Variants in CSMD1 observed in about 807,000 individuals in gnomAD.
The protein encoded by CSMD1 is CUB and sushi domain-containing protein 1.
CSMD1 carries 213 observed loss-of-function variants against 417.5 expected under a neutral mutation model. That is an observed-to-expected ratio of 0.51 (90% confidence interval 0.46 to 0.57). The LOEUF (loss-of-function observed/expected upper bound fraction) is 0.57, where lower values mean the gene tolerates loss of function less well. Ranked by LOEUF, CSMD1 falls within the 20% of genes least tolerant of loss-of-function variation. The pLI is 0.00. For synonymous variants in CSMD1, 2,862 were observed against 1,736.8 expected (o/e 1.65, Z -16.11); for missense variants, 6,923 against 4,529.7 (o/e 1.53, Z -15.17).
chr8:3,679,691 G>C (rs1180832922), intron 7 of CSMD1, among the ~76,000 whole-genome samples: 1 of 152,140 alleles, frequency 6.6e-6, no homozygotes, highest in African/African-American at 2.4e-5. Flanking sequence ...AGACCTAATA[G>C]ACATCTACCT....
At chr8:3,383,414 C>A (rs939782700) in intron 18 of CSMD1, among the ~76,000 whole-genome samples, 1 of 151,956 alleles carries the variant, frequency 6.6e-6, no homozygotes, top group African/African-American at 2.4e-5. Flanking sequence ...TTCTTCCACA[C>A]TAGAAAAACC....
chr8:4,929,549 C>T (rs545102453), intron 1 of CSMD1, among the ~76,000 whole-genome samples: 2 of 152,302 alleles, frequency 1.3e-5, no homozygotes, highest in South Asian at 4.1e-4. Context: ...ACACTCACCT[C>T]AGTGTAGAAA....
chr8:3,311,668 A>G (rs1268368399), intron 23 of CSMD1, among the ~76,000 whole-genome samples: 1 of 152,208 alleles, frequency 6.6e-6, no homozygotes, highest in Non-Finnish European at 1.5e-5. Context: ...TTTCTACTGA[A>G]CGTGTATTAC....
intron 3 of CSMD1, among the ~76,000 whole-genome samples, chr8:4,306,532 A>T (rs545770767): frequency 6.6e-6 from 1 of 152,200 alleles, no homozygotes; most frequent in Non-Finnish European, 1.5e-5. Context: ...CTCATCTTGA[A>T]GACAAAATTT....
chr8:4,841,445 G>C (rs1433384307), intron 1 of CSMD1, among the ~76,000 whole-genome samples: 6 of 152,116 alleles, frequency 3.9e-5, no homozygotes, highest in African/African-American at 1.2e-4. Flanking sequence ...CACATGTTAT[G>C]TGTTCAGTGT....
chr8:4,655,451 G>A (rs1278734385), intron 1 of CSMD1, among the ~76,000 whole-genome samples: 2 of 152,096 alleles, frequency 1.3e-5, no homozygotes, highest in African/African-American at 4.8e-5. Flanking sequence ...TGAAGTTACA[G>A]ACATGGATTC....
chr8:4,963,452 G>C (rs901290411), intron 1 of CSMD1, among the ~76,000 whole-genome samples: 7 of 151,970 alleles, frequency 4.6e-5, no homozygotes, highest in Non-Finnish European at 1.0e-4. Context: ...CACCCACCTC[G>C]ACCTCCCAAA....
intron 7 of CSMD1, among the ~76,000 whole-genome samples, chr8:3,665,112 G>C (rs1210531601): frequency 2.0e-5 from 3 of 152,112 alleles, no homozygotes. Flanking sequence ...CTTATAATAA[G>C]AAAGTTTCAG....
intron 12 of CSMD1, among the ~76,000 whole-genome samples, chr8:3,435,361 C>T (rs763092828): frequency 8.5e-5 from 13 of 152,276 alleles, no homozygotes; most frequent in Middle Eastern, 6.8e-3. Context: ...TCTTCTCCAT[C>T]AGCCCAGCCA....
intron 6 of CSMD1, among the ~76,000 whole-genome samples, chr8:3,739,851 T>C (rs1361350931): frequency 6.6e-6 from 1 of 152,146 alleles, no homozygotes; most frequent in African/African-American, 2.4e-5. Flanking sequence ...TTTGGGACAA[T>C]TAAAAAAGCA....
At chr8:4,894,113 A>C (rs1230978763) in intron 1 of CSMD1, among the ~76,000 whole-genome samples, 1 of 152,060 alleles carries the variant, frequency 6.6e-6, no homozygotes, top group Non-Finnish European at 1.5e-5. Flanking sequence ...AGGCCTGCGC[A>C]CTGTATCCCA....
At chr8:4,125,265 C>T (rs2407820) in intron 3 of CSMD1, among the ~76,000 whole-genome samples, 21,711 of 152,224 alleles carry the variant, frequency 0.14, 1,649 homozygotes, top group Middle Eastern at 0.18. Context: ...CGAAGTCACC[C>T]CTCTGCTCAC....
chr8:4,746,094 G>T (rs949117226), intron 1 of CSMD1, among the ~76,000 whole-genome samples: 2 of 152,202 alleles, frequency 1.3e-5, no homozygotes, highest in South Asian at 4.1e-4. Flanking sequence ...GAAACCCCGT[G>T]ACTTCACTTG....
intron 11 of CSMD1, among the ~76,000 whole-genome samples, chr8:3,489,875 G>A (rs1362129265): frequency 1.3e-5 from 2 of 152,154 alleles, no homozygotes; most frequent in African/African-American, 2.4e-5. Context: ...TTGAAGTAGT[G>A]AATGCCAGTC....
intron 7 of CSMD1, among the ~76,000 whole-genome samples, chr8:3,682,907 C>G (rs1038645108): frequency 1.1e-4 from 16 of 152,082 alleles, no homozygotes; most frequent in Non-Finnish European, 1.8e-4. Flanking sequence ...ATGGATGAAG[C>G]TGGAAACCAT....
At chr8:4,348,355 C>T (rs1765551819) in intron 3 of CSMD1, among the ~76,000 whole-genome samples, 1 of 151,876 alleles carries the variant, frequency 6.6e-6, no homozygotes, top group African/African-American at 2.4e-5. Context: ...TGGAATCCAC[C>T]CAAGTGTACT....
rs73659186 is a variant in CSMD1, at chr8:4,682,593, G to C, written c.86-45035C>G. Among the ~76,000 whole-genome samples, 36 of 152,084 alleles carry C rather than the reference G, an allele frequency of 2.4e-4. 1 individual carries two copies. Among genetic ancestry groups the C allele is most frequent in the African/African-American group, 7.7e-4 (32 of 41,494 alleles). On this transcript the variant is annotated intron_variant, in intron 1 of 69. Coordinates refer to ENST00000635120, the MANE Select transcript of CSMD1 (RefSeq NM_033225.6). ...AGATAATACATAAATGTATGATGCA[G>C]TCTGAACACTCTAAGGACATAGGCT...
At chr8:3,679,296 T>C (rs559852538) in intron 7 of CSMD1, among the ~76,000 whole-genome samples, 4 of 152,158 alleles carry the variant, frequency 2.6e-5, no homozygotes, top group South Asian at 2.1e-4. Context: ...ACCCATCTCA[T>C]GTGCAGAGAC....
chr8:3,568,636 C>G (rs1254791922), intron 10 of CSMD1, among the ~76,000 whole-genome samples: 1 of 152,024 alleles, frequency 6.6e-6, no homozygotes, highest in Non-Finnish European at 1.5e-5. Flanking sequence ...AGCTATATAA[C>G]AGAAACTTTT....
Sources: allele counts gnomAD v4.1 joint callset (sites outside exome capture counted in the v4.1 genomes callset), GRCh38; gene constraint gnomAD v4.1.1; transcripts MANE v1.5; gene names NCBI Gene and HGNC (gene_info 2026-07-23, HGNC 2026-07-21).